The following ZNF462 variants were observed in gnomAD, a reference collection of about 807,000 sequenced individuals.
The protein encoded by ZNF462 is zinc finger PBX1-interacting protein.
A neutral mutation model predicts 201.9 loss-of-function variants in ZNF462; 10 were observed. The ratio of observed to expected loss-of-function variants is 0.05; its 90% CI spans 0.03 to 0.08. The LOEUF is 0.08. ZNF462 is among the 10% of genes least tolerant of loss of function. The pLI is 1.00. For synonymous variants in ZNF462, 1,227 were observed against 1,193.3 expected (o/e 1.03, Z -0.58); for missense variants, 2,523 against 3,168.3 (o/e 0.80, Z 4.89).
At chr9:106,961,064 T>G (rs754188449) in intron 7 of ZNF462, among the ~76,000 whole-genome samples, 1 of 152,070 alleles carries the variant, frequency 6.6e-6, no homozygotes, top group Non-Finnish European at 1.5e-5. Flanking sequence ...TGCAAAGGGC[T>G]CTATTTGTAT....
chr9:106,897,754 G>T (rs761868052), intron 1 of ZNF462, among the ~76,000 whole-genome samples: 1 of 152,230 alleles, frequency 6.6e-6, no homozygotes, highest in African/African-American at 2.4e-5. Flanking sequence ...TGCCAGATCT[G>T]CTAGACAGTC....
intron 10 of ZNF462, among the ~76,000 whole-genome samples, chr9:106,986,998 TA>T (rs1827891624): frequency 6.8e-6 from 1 of 146,144 alleles, no homozygotes; most frequent in Non-Finnish European, 1.5e-5. Context: ...GATAGATAGA[TA>T]GATAGATAGA....
rs1279569124 is a variant in ZNF462, at chr9:106,962,365, G to A, written c.6428-9640G>A. 2.6e-5 allele frequency among the ~76,000 whole-genome samples: 4 copies of A among 151,998 alleles called. No individual in the cohort carries two copies. The highest frequency in any genetic ancestry group is 5.9e-5 in the Non-Finnish European group (4 of 67,974). On this transcript the variant is annotated intron_variant, in intron 7 of 12. Coordinates refer to ENST00000277225, the MANE Select transcript of ZNF462 (RefSeq NM_021224.6). The surrounding 1 kb of genome is among the most constrained non-coding windows in gnomAD (Gnocchi z 4.6). ...TTCATTGACTGGGTGAATGAATGGT[G>A]ATGTCATTGACAAAAAATATAGAAA...
rs1437471516 is a variant in ZNF462, at chr9:106,974,384, C to T, written c.6832+111C>T. 2.6e-6 allele frequency: 4 copies of T among 1,521,790 alleles called. No individual in the cohort carries two copies. In the South Asian group the frequency reaches 3.4e-5, roughly 13 times the overall value. The allele number at this position is 1,521,790 out of a possible 1,614,324, so 94.3% of individuals were successfully genotyped here. ...GTAGCACCTGTGCCTTGTTCCTCAC[C>T]TTATCTTCAGGCAAGAAACCACAGT... On this transcript the variant is annotated intron_variant, in intron 9 of 12. Coordinates refer to ENST00000277225, the MANE Select transcript of ZNF462 (RefSeq NM_021224.6). This position sits in a 1 kb window ranked among gnomAD's most constrained non-coding sequence, Gnocchi z 4.0.
Position 106,926,950 on chromosome 9 carries a change from C to G in ZNF462, c.3038C>G (p.Thr1013Ser), listed in dbSNP as rs770195640. Residue 1013 changes from threonine to serine, a missense_variant, in exon 3 of 13, where the codon ACT becomes AGT. By Grantham distance (58) the Thr-to-Ser change is moderately conservative. Transcript: ENST00000277225. The surrounding 1 kb of genome is among the most constrained non-coding windows in gnomAD (Gnocchi z 7.9). ...TFNKNTPKTF[T>S]PECENQKDPL... is the part of the protein sequence containing the mutation. The stretch of plus-strand genomic sequence containing the variant: ...AACAAAAACACTCCTAAGACCTTTA[C>G]TCCTGAATGTGAAAATCAGAAGGAC... The G allele has an allele frequency of 3.1e-6, 5 of 1,614,170 alleles. No individual in the cohort carries two copies. Among genetic ancestry groups the G allele is most frequent in the Non-Finnish European group, 4.2e-6 (5 of 1,180,046 alleles).
Position 106,929,254 on chromosome 9 carries a change from G to A in ZNF462, c.5342G>A (p.Gly1781Asp). The part of the protein sequence containing the change: ...LCSFQSFSKK[G>D]IVSHYMKRHP... Reference sequence around the variant, plus strand: ...TCTTTCCAGTCGTTCAGCAAGAAGGGCATCGTGTCCCATTACATGAAACGC... The same window carrying A: ...TCTTTCCAGTCGTTCAGCAAGAAGGACATCGTGTCCCATTACATGAAACGC... Residue 1781 changes from glycine (G) to aspartate (D), a missense_variant, in exon 3 of 13, where the codon GGC becomes GAC. Physicochemically the swap from Gly to Asp is moderately conservative, Grantham distance 94 (BLOSUM62 -1). Around this residue, in one of 15 missense-constraint regions of ZNF462, gnomAD observed 207 missense variants for 231.6 expected, o/e 0.89. Transcript: ENST00000277225. The surrounding 1 kb of genome is among the most constrained non-coding windows in gnomAD (Gnocchi z 8.7). The A allele has an allele frequency of 6.2e-7, 1 of 1,614,148 alleles. No homozygotes were observed. Among genetic ancestry groups the A allele is most frequent in the Non-Finnish European group, 8.5e-7 (1 of 1,180,034 alleles).
At chr9:106,879,979 T>C (rs1828019973) in intron 1 of ZNF462, among the ~76,000 whole-genome samples, 1 of 152,210 alleles carries the variant, frequency 6.6e-6, no homozygotes, top group South Asian at 2.1e-4. Flanking sequence ...AGCAACTCAC[T>C]GACTCTTGGA....
intron 1 of ZNF462, among the ~76,000 whole-genome samples, chr9:106,910,386 T>TTTTTTA (rs965036059): frequency 6.9e-6 from 1 of 145,822 alleles, no homozygotes; most frequent in Non-Finnish European, 1.5e-5. Flanking sequence ...TTTTTTTTTT[T>TTTTTTA]AATAACTCAT....
In ZNF462 at chr9:106,905,845, T is replaced by G. The variant is rs1829248701; in HGVS notation, c.-30-17509T>G. Among the ~76,000 whole-genome samples, 1 of 152,162 alleles carries G rather than the reference T, an allele frequency of 6.6e-6. No homozygotes were observed. The highest frequency in any genetic ancestry group is 2.4e-5 in the African/African-American group (1 of 41,436). ...CTCCCAGCTGCGAGAAAAAAGAGTT[T>G]TAGTTCTTCCACACCTGTGTAGTCT... is the stretch of plus-strand genomic sequence containing the variant. On this transcript the variant is annotated intron_variant, in intron 1 of 12. Coordinates refer to ENST00000277225, the MANE Select transcript of ZNF462 (RefSeq NM_021224.6). This position sits in a 1 kb window ranked among gnomAD's most constrained non-coding sequence, Gnocchi z 5.9.
intron 1 of ZNF462, among the ~76,000 whole-genome samples, chr9:106,866,616 A>C (rs1827342678): frequency 1.3e-5 from 2 of 152,192 alleles, no homozygotes; most frequent in Non-Finnish European, 2.9e-5. Flanking sequence ...GGCCTCTCCA[A>C]GAGCACTTAA....
chr9:106,866,735 T>A (rs1457411066), intron 1 of ZNF462, among the ~76,000 whole-genome samples: 1 of 152,182 alleles, frequency 6.6e-6, no homozygotes, highest in African/African-American at 2.4e-5. Context: ...ATATTTAAAT[T>A]TGCTAATGCA....
intron 1 of ZNF462, 83 bp downstream of exon 1, chr9:106,863,438 C>G (rs1357337699): frequency 2.6e-6 from 1 of 378,020 alleles, no homozygotes; most frequent in Non-Finnish European, 4.7e-6. Flanking sequence ...GGCACAAACG[C>G]GCTCATTCAT....
At chr9:106,992,262 G>A (rs920283886) in intron 10 of ZNF462, among the ~76,000 whole-genome samples, 1 of 151,988 alleles carries the variant, frequency 6.6e-6, no homozygotes, top group Non-Finnish European at 1.5e-5. Flanking sequence ...TTCACCACTT[G>A]GGAAATATAA....
rs1277646794 is a variant in ZNF462 at position 107,010,917 on chromosome 9, G to C, written c.7408G>C (p.Glu2470Gln). The C allele has an allele frequency of 2.5e-6, 4 of 1,613,754 alleles. No homozygotes were observed. Among genetic ancestry groups the C allele is most frequent in the Non-Finnish European group, 3.4e-6 (4 of 1,179,902 alleles). The part of the protein sequence containing the change: ...SVKMPSIEEK[E>Q]DDEAIGIDFS... ...TAAAATGCCCTCCATAGAGGAAAAGGAAGATGACGAGGCCATTGGGATAGA... is the reference window on the plus strand; with the variant it reads ...TAAAATGCCCTCCATAGAGGAAAAGCAAGATGACGAGGCCATTGGGATAGA... The change falls in exon 13 of 13, where the codon GAA becomes CAA. Residue 2470 changes from glutamate to glutamine, a missense_variant. This residue lies in a region of ZNF462 where 67 missense variants were observed against 63.2 expected (regional missense o/e 1.06). Coordinates refer to ENST00000277225, the MANE Select transcript of ZNF462 (RefSeq NM_021224.6). This position sits in a 1 kb window ranked among gnomAD's most constrained non-coding sequence, Gnocchi z 4.6.
intron 1 of ZNF462, among the ~76,000 whole-genome samples, chr9:106,900,203 CGT>C (rs3056258): frequency 0.23 from 31,021 of 134,004 alleles, 3,583 homozygotes; most frequent in East Asian, 0.41. Context: ...AGTATTCCAT[CGT>C]GTGTGTGTGT....
chr9:107,002,747 A>G (rs546709055), intron 10 of ZNF462, among the ~76,000 whole-genome samples: 4 of 152,324 alleles, frequency 2.6e-5, no homozygotes, highest in African/African-American at 7.2e-5. Context: ...AACAGTAATA[A>G]TATTATCTTC....
Position 106,926,379 on chromosome 9 carries a change from C to A in ZNF462, c.2467C>A (p.Pro823Thr), listed in dbSNP as rs1163530974. The A allele has an allele frequency of 6.2e-7, 1 of 1,614,218 alleles. No individual in the cohort carries two copies. Among genetic ancestry groups the A allele is most frequent in the Non-Finnish European group, 8.5e-7 (1 of 1,180,042 alleles). Residue 823 changes from proline to threonine, a missense_variant, in exon 3 of 13, where the codon CCC becomes ACC. Transcript: ENST00000277225. The surrounding 1 kb of genome is among the most constrained non-coding windows in gnomAD (Gnocchi z 7.9). Reference protein sequence around the residue: ...SNTALLNTQTPIYGTEHNSEN... With the variant: ...SNTALLNTQTTIYGTEHNSEN... ...TACTGCTCTGCTGAATACCCAAACT[C>A]CCATCTATGGGACTGAGCACAATAG...
chr9:106,909,450 C>CA (rs2131284984), intron 1 of ZNF462, among the ~76,000 whole-genome samples: 1 of 152,236 alleles, frequency 6.6e-6, no homozygotes, highest in Non-Finnish European at 1.5e-5. Flanking sequence ...ATTCAATGCT[C>CA]ACAGCTTCTG....
In ZNF462 at chr9:107,003,163, C is replaced by A. The variant is rs377030427; in HGVS notation, c.7057-131C>A. On this transcript the variant is annotated intron_variant, in intron 10 of 12. Coordinates refer to ENST00000277225, the MANE Select transcript of ZNF462 (RefSeq NM_021224.6). The surrounding 1 kb of genome is among the most constrained non-coding windows in gnomAD (Gnocchi z 4.4). ...AAAACGAAGAAAAAGACCTCTTAGG[C>A]CCCGGAGTTGTTTGGTCCTGGTTGC... 60 of 1,192,300 alleles carry A rather than the reference C, an allele frequency of 5.0e-5. No homozygotes were observed. Among genetic ancestry groups the A allele is most frequent in the East Asian group, 4.9e-4 (20 of 41,162 alleles). The allele number at this position is 1,192,300 out of a possible 1,614,324, so 73.9% of individuals were successfully genotyped here.
Sources: gnomAD v4.1 joint callset for allele counts (sites outside exome capture counted in the v4.1 genomes callset) on GRCh38, gnomAD v4.1.1 for gene constraint, gnomAD v4.1.1 regional missense constraint, Gnocchi (gnomAD v3.1) non-coding constraint, MANE v1.5 for transcripts, NCBI Gene and HGNC (gene_info 2026-07-23, HGNC 2026-07-21) for gene names.